IGSF21: variants seen among roughly 807,000 people sequenced by gnomAD.
The protein encoded by IGSF21 is immunoglobin superfamily member 21, also known as immunoglobulin superfamily member 21.
IGSF21 carries 28 observed loss-of-function variants against 46.8 expected under a neutral mutation model. The ratio of observed to expected loss-of-function variants is 0.60; its 90% CI spans 0.44 to 0.82. The LOEUF is 0.82. IGSF21 is among the 40% of genes least tolerant of loss of function. IGSF21 has a pLI of 0.00. For synonymous variants in IGSF21, 284 were observed against 273.6 expected (o/e 1.04, Z -0.38); for missense variants, 624 against 665.5 (o/e 0.94, Z 0.69).
chr1:18,186,110 C>T (rs901792793), intron 1 of IGSF21, among the ~76,000 whole-genome samples: 2 of 152,024 alleles, frequency 1.3e-5, no homozygotes, highest in African/African-American at 2.4e-5. Flanking sequence ...TTTGAAGCTC[C>T]CCAGAAGCCT....
chr1:18,129,438 C>A (rs923768978), intron 1 of IGSF21, among the ~76,000 whole-genome samples: 6 of 152,158 alleles, frequency 3.9e-5, no homozygotes, highest in Non-Finnish European at 8.8e-5. Flanking sequence ...CTAGCTCCTC[C>A]CCATGAATAA....
chr1:18,138,124 G>C (rs551001150), intron 1 of IGSF21, among the ~76,000 whole-genome samples: 3 of 152,292 alleles, frequency 2.0e-5, no homozygotes, highest in Admixed American at 2.0e-4. Context: ...GAAGATAATG[G>C]GTTCGTAAGT....
At chr1:18,245,553 T>C (rs1246068550) in intron 2 of IGSF21, among the ~76,000 whole-genome samples, 1 of 152,248 alleles carries the variant, frequency 6.6e-6, no homozygotes, top group Admixed American at 6.5e-5. Flanking sequence ...ATTAGATGAA[T>C]TCATTTTTTT....
intron 1 of IGSF21, among the ~76,000 whole-genome samples, chr1:18,204,998 ACTC>A (rs931740307): frequency 6.6e-6 from 1 of 152,082 alleles, no homozygotes; most frequent in Middle Eastern, 3.2e-3. Flanking sequence ...ATTTCCAAAA[ACTC>A]CTGGAAAAGT....
chr1:18,272,500 A>C lies in IGSF21; in HGVS notation c.184-19366A>C, dbSNP rs184464087. 7.3e-4 allele frequency among the ~76,000 whole-genome samples: 111 copies of C among 152,324 alleles called. 1 individual carries two copies. Among genetic ancestry groups the C allele is most frequent in the African/African-American group, 2.3e-3 (94 of 41,574 alleles). On this transcript the variant is annotated intron_variant, in intron 2 of 9. Transcript: ENST00000251296. ...AGCAAGTGCACACAGGGCACTTAGC[A>C]CCTGGCCTTAGATGAGTTCTGAGGA... is the stretch of plus-strand genomic sequence containing the variant.
chr1:18,206,504 G>A (rs976634396), intron 1 of IGSF21, among the ~76,000 whole-genome samples: 10 of 149,834 alleles, frequency 6.7e-5, no homozygotes, highest in African/African-American at 1.2e-4. Context: ...AGCCATGATC[G>A]CACCACTGCA....
At chr1:18,170,586 G>A (rs2086727180) in intron 1 of IGSF21, among the ~76,000 whole-genome samples, 1 of 151,776 alleles carries the variant, frequency 6.6e-6, no homozygotes, top group Non-Finnish European at 1.5e-5. Flanking sequence ...TATGGGAATA[G>A]GTACTGTTAT....
chr1:18,199,901 T>G (rs201114971), intron 1 of IGSF21, among the ~76,000 whole-genome samples: 5 of 106,132 alleles, frequency 4.7e-5, no homozygotes, highest in Non-Finnish European at 6.9e-5. Flanking sequence ...GGCCCCCCCC[T>G]ACCCCCGTGA....
At chr1:18,359,395 G>A (rs199977540) in intron 4 of IGSF21, among the ~76,000 whole-genome samples, 2,157 of 77,690 alleles carry the variant, frequency 0.028, 41 homozygotes, top group East Asian at 0.085. Context: ...AGGAAGGAAG[G>A]AAGGAAGGAA....
intron 2 of IGSF21, among the ~76,000 whole-genome samples, chr1:18,268,982 T>C (rs915298108): frequency 1.3e-5 from 2 of 152,196 alleles, no homozygotes; most frequent in African/African-American, 4.8e-5. Context: ...CTGTAACAAT[T>C]CAGGGCAATC....
intron 1 of IGSF21, among the ~76,000 whole-genome samples, chr1:18,177,052 G>A (rs187782055): frequency 6.6e-6 from 1 of 152,250 alleles, no homozygotes; most frequent in East Asian, 1.9e-4. Flanking sequence ...GCTAAAGTTT[G>A]CCATCCTCCC....
chr1:18,228,688 G>A (rs781193242), intron 2 of IGSF21, among the ~76,000 whole-genome samples: 6 of 152,194 alleles, frequency 3.9e-5, no homozygotes, highest in Non-Finnish European at 8.8e-5. Context: ...GAAGGTCCAG[G>A]GGGCAGTGAT....
chr1:18,261,712 A>T (rs759606372), intron 2 of IGSF21, among the ~76,000 whole-genome samples: 14 of 152,112 alleles, frequency 9.2e-5, no homozygotes, highest in Non-Finnish European at 2.1e-4. Context: ...ACTCACTCTC[A>T]CCATCAGCGT....
chr1:18,295,990 G>A (rs2085308598), intron 3 of IGSF21, among the ~76,000 whole-genome samples: 1 of 150,884 alleles, frequency 6.6e-6, no homozygotes, highest in African/African-American at 2.5e-5. Flanking sequence ...TGCAAAATGA[G>A]CGGGCAGTTC....
intron 1 of IGSF21, among the ~76,000 whole-genome samples, chr1:18,212,271 T>A (rs567934296): frequency 1.2e-4 from 19 of 152,304 alleles, no homozygotes; most frequent in Non-Finnish European, 1.9e-4. Flanking sequence ...CTCAGAACAG[T>A]GGCGTGACTT....
At chr1:18,346,686 G>A (rs537992016) in intron 4 of IGSF21, among the ~76,000 whole-genome samples, 29 of 152,180 alleles carry the variant, frequency 1.9e-4, no homozygotes, top group Admixed American at 1.2e-3. Flanking sequence ...AAAATGGGCC[G>A]TTGGGGTGGA....
At position 18,241,427 on chromosome 1, in the gene IGSF21, G is replaced by A. The variant is rs116489102; in HGVS notation, c.183+13417G>A. On this transcript the variant is annotated intron_variant, in intron 2 of 9. Coordinates refer to ENST00000251296, the MANE Select transcript of IGSF21 (RefSeq NM_032880.5). ...AAGGAGGTAGAAGGACTAGAGTCAG[G>A]GAGACTGAGGTTAGGTGAGGTTAAG... Among the ~76,000 whole-genome samples, 1,233 of 152,290 alleles carry A rather than the reference G, an allele frequency of 8.1e-3. 11 individuals are homozygous for A. The highest frequency in any genetic ancestry group is 0.011 in the Non-Finnish European group (723 of 68,028).
intron 1 of IGSF21, among the ~76,000 whole-genome samples, chr1:18,132,755 G>A (rs2086333141): frequency 6.6e-6 from 1 of 152,102 alleles, no homozygotes; most frequent in Non-Finnish European, 1.5e-5. Flanking sequence ...GGGGACCGCT[G>A]CTGGGTTTAA....
At chr1:18,298,019 C>T (rs1234337684) in intron 3 of IGSF21, among the ~76,000 whole-genome samples, 1 of 152,072 alleles carries the variant, frequency 6.6e-6, no homozygotes, top group Non-Finnish European at 1.5e-5. Context: ...GTATAAGAAG[C>T]CAGCCAGGCA....
Sources: allele counts gnomAD v4.1 joint callset (sites outside exome capture counted in the v4.1 genomes callset), GRCh38; gene constraint gnomAD v4.1.1; transcripts MANE v1.5; gene names NCBI Gene and HGNC (gene_info 2026-07-23, HGNC 2026-07-21).